The following HSPA12A variants were observed in gnomAD, a reference collection of about 807,000 sequenced individuals.
HSPA12A encodes the protein heat shock protein family A (Hsp70) member 12A, also known as heat shock 70 kDa protein 12A.
Under a neutral mutation model 69.2 loss-of-function variants are expected in HSPA12A, and 28 were observed. That is an observed-to-expected ratio of 0.40 (90% CI 0.30 to 0.55). The LOEUF is 0.55. HSPA12A is among the 20% of genes least tolerant of loss of function. The probability of loss-of-function intolerance (pLI) is 0.38; values close to 1 mark genes in which losing one functional copy is unlikely to be tolerated. For synonymous variants in HSPA12A, 345 were observed against 370.5 expected (o/e 0.93, Z 0.79); for missense variants, 686 against 900.7 (o/e 0.76, Z 3.05).
At chr10:116,786,153 G>A (rs1005748703) in intron 2 of HSPA12A, among the ~76,000 whole-genome samples, 2 of 152,242 alleles carry the variant, frequency 1.3e-5, no homozygotes, top group Admixed American at 6.5e-5. Context: ...CTGCAGAAGA[G>A]ACTCTCAGCA....
At chr10:116,737,290 C>T (rs557476056) in intron 1 of HSPA12A, among the ~76,000 whole-genome samples, 60 of 152,286 alleles carry the variant, frequency 3.9e-4, no homozygotes, top group Middle Eastern at 3.4e-3. Context: ...CCTCTGTGTA[C>T]CAGGCTCATA....
At chr10:116,813,929 A>C (rs530591156) in intron 2 of HSPA12A, among the ~76,000 whole-genome samples, 1 of 152,280 alleles carries the variant, frequency 6.6e-6, no homozygotes, top group African/African-American at 2.4e-5. Context: ...TAATAGAATA[A>C]CAGACAGACA....
chr10:116,843,987 T>C (rs1216774508), intron 1 of HSPA12A, among the ~76,000 whole-genome samples: 4 of 152,220 alleles, frequency 2.6e-5, no homozygotes, highest in Non-Finnish European at 4.4e-5. Context: ...AGACACCACT[T>C]ACTGAGAGTT....
chr10:116,847,446 T>C (rs1845911684), intron 1 of HSPA12A, among the ~76,000 whole-genome samples: 1 of 152,214 alleles, frequency 6.6e-6, no homozygotes, highest in Admixed American at 6.5e-5. Flanking sequence ...TTGCCCTTCC[T>C]ATATTCAGAA....
At chr10:116,805,488 T>A (rs756847394) in intron 2 of HSPA12A, among the ~76,000 whole-genome samples, 2 of 151,918 alleles carry the variant, frequency 1.3e-5, no homozygotes, top group Non-Finnish European at 2.9e-5. Context: ...CACACACACC[T>A]GAGGACACAG....
chr10:116,779,364 T>C (rs112718180), intron 2 of HSPA12A, among the ~76,000 whole-genome samples: 47 of 152,204 alleles, frequency 3.1e-4, no homozygotes, highest in African/African-American at 1.1e-3. Context: ...GAATCTTCAA[T>C]GGGGACAGAA....
At chr10:116,787,148 C>T (rs908680731) in intron 2 of HSPA12A, among the ~76,000 whole-genome samples, 3 of 151,972 alleles carry the variant, frequency 2.0e-5, no homozygotes, top group Non-Finnish European at 4.4e-5. Flanking sequence ...CCTGTCAGAT[C>T]AACCAAGGGC....
chr10:116,689,211 C>G (rs782535594), intron 6 of HSPA12A, among the ~76,000 whole-genome samples: 1 of 138,174 alleles, frequency 7.2e-6, no homozygotes, highest in Non-Finnish European at 1.5e-5. Flanking sequence ...CTCCACCTGG[C>G]AGGTGGGAGG....
intron 2 of HSPA12A, among the ~76,000 whole-genome samples, chr10:116,827,968 G>T (rs531852833): frequency 1.3e-5 from 2 of 152,244 alleles, no homozygotes; most frequent in South Asian, 4.1e-4. Context: ...AAGCTTACAG[G>T]CATTTGTAAA....
At chr10:116,824,097 C>T (rs1845457103) in intron 2 of HSPA12A, among the ~76,000 whole-genome samples, 1 of 151,918 alleles carries the variant, frequency 6.6e-6, no homozygotes, top group African/African-American at 2.4e-5. Flanking sequence ...GACAAAGAAC[C>T]TGAACAGATA....
At chr10:116,730,373 G>T (rs1333930341) in intron 1 of HSPA12A, among the ~76,000 whole-genome samples, 2 of 152,164 alleles carry the variant, frequency 1.3e-5, no homozygotes, top group Non-Finnish European at 2.9e-5. Flanking sequence ...GCCAGGTATG[G>T]GAGCCAGGAC....
intron 2 of HSPA12A, among the ~76,000 whole-genome samples, chr10:116,808,455 G>T (rs1450317182): frequency 6.6e-6 from 1 of 152,144 alleles, no homozygotes; most frequent in Non-Finnish European, 1.5e-5. Flanking sequence ...AGTGTGGTTT[G>T]TGCGTCTGTG....
intron 2 of HSPA12A, chr10:116,750,218 T>TGCAGGCCAGCA: frequency 1.4e-6 from 1 of 735,952 alleles, no homozygotes; most frequent in Non-Finnish European, 2.5e-6. Context: ...GCTGCTGGCC[T>TGCAGGCCAGCA]GCAGGCTTCT....
intron 2 of HSPA12A, among the ~76,000 whole-genome samples, chr10:116,827,034 A>G (rs1343886226): frequency 1.3e-5 from 2 of 152,212 alleles, no homozygotes; most frequent in Non-Finnish European, 2.9e-5. Flanking sequence ...TCCAGAAGCC[A>G]GCAGGGGTTC....
At chr10:116,692,714 C>T (rs1046825997) in intron 5 of HSPA12A, among the ~76,000 whole-genome samples, 2 of 152,150 alleles carry the variant, frequency 1.3e-5, no homozygotes, top group African/African-American at 4.8e-5. Flanking sequence ...AGAGGAAATC[C>T]CTTTGGCCAC....
chr10:116,744,850 C>A (rs1851614487), upstream of HSPA12A, among the ~76,000 whole-genome samples: 1 of 152,226 alleles, frequency 6.6e-6, no homozygotes, highest in Non-Finnish European at 1.5e-5. Flanking sequence ...GGGTTCAAGG[C>A]TCAGCACGCC....
chr10:116,834,037 G>A (rs1403273418), intron 2 of HSPA12A, among the ~76,000 whole-genome samples: 2 of 152,222 alleles, frequency 1.3e-5, no homozygotes, highest in Non-Finnish European at 2.9e-5. Context: ...GACAGGCAAA[G>A]GGGAAGGACT....
chr10:116,753,992 C>A (rs1194787119), intron 2 of HSPA12A, among the ~76,000 whole-genome samples: 3 of 152,248 alleles, frequency 2.0e-5, no homozygotes, highest in African/African-American at 7.2e-5. Flanking sequence ...AGGGAGCCAG[C>A]CTCATGCCAG....
chr10:116,684,265 C>T (rs1157239080), intron 6 of HSPA12A, among the ~76,000 whole-genome samples: 1 of 152,062 alleles, frequency 6.6e-6, no homozygotes, highest in Non-Finnish European at 1.5e-5. Context: ...CTGAGCAGCA[C>T]CATGGGGAGG....
Sources: allele counts gnomAD v4.1 joint callset (sites outside exome capture counted in the v4.1 genomes callset), GRCh38; gene constraint gnomAD v4.1.1; transcripts MANE v1.5; gene names NCBI Gene and HGNC (gene_info 2026-07-23, HGNC 2026-07-21).